GALNT2: variants seen among roughly 807,000 people sequenced by gnomAD.
The protein encoded by GALNT2 is polypeptide N-acetylgalactosaminyltransferase 2.
A neutral mutation model predicts 81.4 loss-of-function variants in GALNT2; 31 were observed. The ratio of observed to expected loss-of-function variants is 0.38; its 90% CI spans 0.29 to 0.51. The LOEUF (loss-of-function observed/expected upper bound fraction) is 0.51. GALNT2 is among the 20% of genes least tolerant of loss of function. GALNT2 has a pLI of 0.87. For missense variants in GALNT2, 629 were observed against 765.7 expected (o/e 0.82, Z 2.11); for synonymous variants, 303 against 287.4 (o/e 1.05, Z -0.55).
At position 230,087,484 on chromosome 1, in the gene GALNT2, C is replaced by T. The variant is rs553609470; in HGVS notation, c.126+20078C>T. The stretch of plus-strand genomic sequence containing the variant: ...CTTTACTCCCCCATAACTGCCAGCC[C>T]GCACTGTTAACCAGCGGTTTTCAAT... On this transcript the variant is annotated intron_variant, in intron 1 of 15. Transcript: ENST00000366672. Among the ~76,000 whole-genome samples, 10 of 152,314 alleles carry T rather than the reference C, an allele frequency of 6.6e-5. No homozygotes were observed. The East Asian group carries it at 1.4e-3, about 21-fold the overall frequency.
At chr1:230,185,273 CGTGTGTGT>C (rs1177553093) in intron 2 of GALNT2, among the ~76,000 whole-genome samples, 4 of 119,428 alleles carry the variant, frequency 3.3e-5, no homozygotes, top group Non-Finnish European at 7.6e-5. Context: ...TGCGTGCGTG[CGTGTGTGT>C]GTGTGTGTGT....
intron 1 of GALNT2, among the ~76,000 whole-genome samples, chr1:230,122,149 C>T (rs1661036619): frequency 6.6e-6 from 1 of 151,940 alleles, no homozygotes; most frequent in South Asian, 2.1e-4. Flanking sequence ...TGGGATAATG[C>T]CATTTTCCTC....
chr1:230,258,687 A>T (rs1271159134), intron 11 of GALNT2: 2 of 152,236 alleles, frequency 1.3e-5, no homozygotes, highest in African/African-American at 2.4e-5. Flanking sequence ...ATGTTTCTTC[A>T]CAAATGTTGA....
At chr1:230,117,952 G>A (rs1347527496) in intron 1 of GALNT2, among the ~76,000 whole-genome samples, 1 of 152,148 alleles carries the variant, frequency 6.6e-6, no homozygotes, top group African/African-American at 2.4e-5. Flanking sequence ...ACTCTGTTCT[G>A]GGCAGTGTCA....
intron 1 of GALNT2, among the ~76,000 whole-genome samples, chr1:230,142,255 G>T (rs1661766947): frequency 1.3e-5 from 2 of 152,132 alleles, no homozygotes; most frequent in South Asian, 4.1e-4. Context: ...CATAAGGGAT[G>T]GCCTCCATCC....
At chr1:230,222,280 C>G (rs1009306012) in intron 3 of GALNT2, among the ~76,000 whole-genome samples, 1 of 152,050 alleles carries the variant, frequency 6.6e-6, no homozygotes. Flanking sequence ...CCCGCCTCGG[C>G]CTCCCTGCTT....
chr1:230,236,318 A>G, intron 4 of GALNT2, 35 bp from the exon 5 acceptor site: 2 of 1,602,152 alleles, frequency 1.2e-6, no homozygotes, highest in Non-Finnish European at 1.7e-6. Context: ...TACCCCTAAA[A>G]GACCTATAAA....
intron 1 of GALNT2, among the ~76,000 whole-genome samples, chr1:230,086,059 G>A (rs984009184): frequency 2.0e-5 from 3 of 152,330 alleles, no homozygotes; most frequent in East Asian, 3.9e-4. Flanking sequence ...CACCAGAAAC[G>A]TGCTGAGAGA....
At chr1:230,276,302 CAGTT>C (rs1022354962) in intron 15 of GALNT2, among the ~76,000 whole-genome samples, 6 of 152,038 alleles carry the variant, frequency 3.9e-5, no homozygotes, top group Admixed American at 1.3e-4. Context: ...CATGGGGTAA[CAGTT>C]AGTGTCAGGA....
intron 1 of GALNT2, among the ~76,000 whole-genome samples, chr1:230,133,410 C>T (rs1661431361): frequency 6.6e-6 from 1 of 151,356 alleles, no homozygotes; most frequent in South Asian, 2.1e-4. Flanking sequence ...TGTTTATTGC[C>T]TAGGTGGTAG....
At chr1:230,195,831 A>G (rs1663677682) in intron 2 of GALNT2, among the ~76,000 whole-genome samples, 1 of 149,476 alleles carries the variant, frequency 6.7e-6, no homozygotes, top group South Asian at 2.1e-4. Flanking sequence ...GGAGGTGAGC[A>G]GAGACCTGGA....
At chr1:230,229,806 C>G (rs1196480800) in intron 3 of GALNT2, among the ~76,000 whole-genome samples, 2 of 152,116 alleles carry the variant, frequency 1.3e-5, no homozygotes, top group Non-Finnish European at 2.9e-5. Flanking sequence ...CAGTGCCATC[C>G]CTGCAAACTT....
At chr1:230,241,354 A>G (rs1339318010) in intron 6 of GALNT2, among the ~76,000 whole-genome samples, 1 of 151,772 alleles carries the variant, frequency 6.6e-6, no homozygotes, top group African/African-American at 2.4e-5. Context: ...CATCTTTGTT[A>G]TATTGGGCAG....
chr1:230,096,709 C>A (rs540976681), intron 1 of GALNT2, among the ~76,000 whole-genome samples: 11 of 152,158 alleles, frequency 7.2e-5, no homozygotes, highest in Non-Finnish European at 1.2e-4. Context: ...TCTTAATATT[C>A]TTTTATGTAT....
intron 15 of GALNT2, 150 bp downstream of exon 15, chr1:230,274,714 T>G (rs1666240833): frequency 1.1e-6 from 1 of 926,026 alleles, no homozygotes; most frequent in Non-Finnish European, 1.5e-6. Flanking sequence ...AATGTCTAGC[T>G]GCCCTATTAG....
Position 230,188,043 on chromosome 1 carries a change from G to A in GALNT2, c.220+9732G>A, listed in dbSNP as rs528698311. ...TTGGGCCCTACGGTTCCAGGCTTGAGGGTGTGGCGTTTGCTAGGGACCACT... is the reference window on the plus strand; with the variant it reads ...TTGGGCCCTACGGTTCCAGGCTTGAAGGTGTGGCGTTTGCTAGGGACCACT... On this transcript the variant is annotated intron_variant, in intron 2 of 15. Transcript: ENST00000366672. Among the ~76,000 whole-genome samples the A allele has an allele frequency of 2.6e-5, 4 of 152,254 alleles. No homozygotes were observed. The South Asian group carries it at 8.3e-4, about 32-fold the overall frequency.
intron 1 of GALNT2, among the ~76,000 whole-genome samples, chr1:230,129,783 C>T (rs556223778): frequency 3.5e-4 from 53 of 152,254 alleles, no homozygotes; most frequent in Non-Finnish European, 4.9e-4. Flanking sequence ...GGGGGTTGGC[C>T]GAGTGTCCTT....
intron 1 of GALNT2, among the ~76,000 whole-genome samples, chr1:230,135,436 ACT>A (rs1268651958): frequency 2.6e-5 from 4 of 151,886 alleles, no homozygotes; most frequent in African/African-American, 7.3e-5. Flanking sequence ...TAACAGAGAA[ACT>A]CTGAATTCAT....
chr1:230,059,389 G>A (rs1658991411), intron 1 of GALNT2, among the ~76,000 whole-genome samples: 1 of 152,182 alleles, frequency 6.6e-6, no homozygotes, highest in African/African-American at 2.4e-5. Flanking sequence ...GCTGACAAAA[G>A]GCAAGTCAAT....
Sources: allele counts gnomAD v4.1 joint callset (sites outside exome capture counted in the v4.1 genomes callset), GRCh38; gene constraint gnomAD v4.1.1; transcripts MANE v1.5; gene names NCBI Gene and HGNC (gene_info 2026-07-23, HGNC 2026-07-21).